The following CSMD1 variants were observed in gnomAD, a reference collection of about 807,000 sequenced individuals.
CSMD1 encodes CUB and Sushi multiple domains 1, also known as CUB and sushi domain-containing protein 1.
Under a neutral mutation model 417.5 loss-of-function variants are expected in CSMD1, and 213 were observed. That is an observed-to-expected ratio of 0.51 (90% confidence interval 0.46 to 0.57). The LOEUF is 0.57. Among genes scored for constraint, CSMD1 ranks in the 20% least tolerant of loss-of-function variants. The pLI is 0.00. For missense variants in CSMD1, 6,923 were observed against 4,529.7 expected (o/e 1.53, Z -15.17); for synonymous variants, 2,862 against 1,736.8 (o/e 1.65, Z -16.11).
At chr8:3,131,136 A>G (rs1004256313) in intron 41 of CSMD1, among the ~76,000 whole-genome samples, 2 of 152,190 alleles carry the variant, frequency 1.3e-5, no homozygotes, top group African/African-American at 2.4e-5. Flanking sequence ...GAAACCAGCC[A>G]TTTTAAAATA....
rs7841527 is a variant in CSMD1 at position 4,862,059 on chromosome 8, G to C, written c.85+132273C>G. ...TTGCGTTTTAATACAGGATGCTCAGGGAAATGCTACTGGGAATGGCGTCTT... is the reference window on the plus strand; with the variant it reads ...TTGCGTTTTAATACAGGATGCTCAGCGAAATGCTACTGGGAATGGCGTCTT... On this transcript the variant is annotated intron_variant, in intron 1 of 69. Transcript: ENST00000635120. 4.6e-5 allele frequency among the ~76,000 whole-genome samples: 7 copies of C among 151,914 alleles called. No individual in the cohort carries two copies. The South Asian group carries it at 1.4e-3, about 31-fold the overall frequency.
intron 2 of CSMD1, among the ~76,000 whole-genome samples, chr8:4,482,178 G>C (rs1290440564): frequency 1.3e-5 from 2 of 152,122 alleles, no homozygotes; most frequent in South Asian, 2.1e-4. Context: ...TTGCTGTATA[G>C]ATTATTTCAC....
Position 3,983,135 on chromosome 8 carries a change from CTTT to C in CSMD1, c.818+14765_818+14767del, listed in dbSNP as rs201667296. ...TATGCATCCTCCCACATCTTTCTTT[CTTT>C]TTTTTTTTTTGAGACGGACTCTCGC... On this transcript the variant is annotated intron_variant, in intron 5 of 69. Coordinates refer to ENST00000635120, the MANE Select transcript of CSMD1 (RefSeq NM_033225.6). Among the ~76,000 whole-genome samples the C allele has an allele frequency of 1.9e-4, 26 of 133,520 alleles. 1 individual carries two copies. In the South Asian group the frequency reaches 6.0e-3, roughly 31 times the overall value. 87.6% of individuals were successfully genotyped at this position (133,520 alleles called of 152,430 possible).
intron 1 of CSMD1, among the ~76,000 whole-genome samples, chr8:4,924,164 C>T (rs1806694522): frequency 6.6e-6 from 1 of 152,276 alleles, no homozygotes; most frequent in Non-Finnish European, 1.5e-5. Context: ...ATGTTGAATA[C>T]AGATTTGACA....
chr8:4,653,059 G>C (rs1043822528), intron 1 of CSMD1, among the ~76,000 whole-genome samples: 1 of 152,012 alleles, frequency 6.6e-6, no homozygotes, highest in Non-Finnish European at 1.5e-5. Flanking sequence ...TCCAGGGCTT[G>C]GGGACCCCGC....
rs190571194 is a variant in CSMD1, at chr8:4,101,537, A to T, written c.416-69438T>A. 2.6e-5 allele frequency among the ~76,000 whole-genome samples: 4 copies of T among 152,298 alleles called. No individual in the cohort carries two copies. The South Asian group carries it at 8.3e-4, about 32-fold the overall frequency. On this transcript the variant is annotated intron_variant, in intron 3 of 69. Coordinates refer to ENST00000635120, the MANE Select transcript of CSMD1 (RefSeq NM_033225.6). ...AATATGCCGACCAGGAAACATACCT[A>T]AAAAATTATGGATGTGTAGGAAGTT...
At chr8:4,018,404 A>G (rs994206680) in intron 4 of CSMD1, among the ~76,000 whole-genome samples, 1 of 152,142 alleles carries the variant, frequency 6.6e-6, no homozygotes, top group African/African-American at 2.4e-5. Flanking sequence ...TCCTGCCTCG[A>G]TTCCTGTTCT....
chr8:3,928,145 T>C (rs1236397535), intron 5 of CSMD1, among the ~76,000 whole-genome samples: 2 of 152,178 alleles, frequency 1.3e-5, no homozygotes, highest in African/African-American at 4.8e-5. Context: ...TAATTGCCTG[T>C]TGGACATTTA....
At chr8:3,945,011 G>T (rs1455047107) in intron 5 of CSMD1, among the ~76,000 whole-genome samples, 1 of 152,138 alleles carries the variant, frequency 6.6e-6, no homozygotes, top group Non-Finnish European at 1.5e-5. Context: ...CAAGTCAAAT[G>T]TGAAATGTCA....
chr8:3,304,973 C>G (rs1804712063), intron 25 of CSMD1, among the ~76,000 whole-genome samples: 1 of 152,022 alleles, frequency 6.6e-6, no homozygotes, highest in African/African-American at 2.4e-5. Flanking sequence ...AAAATCAAAG[C>G]CATTGGAAGT....
chr8:4,186,978 T>C (rs756342719), intron 3 of CSMD1, among the ~76,000 whole-genome samples: 128 of 152,156 alleles, frequency 8.4e-4, no homozygotes, highest in Non-Finnish European at 1.4e-3. Context: ...CAAGATTCTG[T>C]CTCAAAAAAA....
chr8:3,771,888 T>C (rs1481814420), intron 5 of CSMD1, among the ~76,000 whole-genome samples: 1 of 152,046 alleles, frequency 6.6e-6, no homozygotes, highest in Admixed American at 6.6e-5. Context: ...ACAGTCCTGA[T>C]CTGACCCAGA....
intron 5 of CSMD1, among the ~76,000 whole-genome samples, chr8:3,925,696 A>G (rs1300939122): frequency 2.0e-5 from 3 of 151,854 alleles, no homozygotes; most frequent in African/African-American, 4.8e-5. Context: ...TGCCACCACC[A>G]CGTAAGAAGT....
chr8:4,233,537 T>C (rs1350310348), intron 3 of CSMD1, among the ~76,000 whole-genome samples: 1 of 152,128 alleles, frequency 6.6e-6, no homozygotes, highest in Non-Finnish European at 1.5e-5. Flanking sequence ...CAGAGAGCTC[T>C]CTCACACCTT....
intron 2 of CSMD1, among the ~76,000 whole-genome samples, chr8:4,609,548 CA>C: frequency 6.6e-6 from 1 of 152,270 alleles, no homozygotes; most frequent in South Asian, 2.1e-4. Context: ...TTGTACTAAA[CA>C]CTTTATGTAC....
chr8:4,494,239 A>T (rs1473884787), intron 2 of CSMD1, among the ~76,000 whole-genome samples: 3 of 152,218 alleles, frequency 2.0e-5, no homozygotes, highest in African/African-American at 7.2e-5. Context: ...TTCCATGTAA[A>T]CTGAACAAAC....
At chr8:3,119,163 G>A (rs1388093695) in intron 41 of CSMD1, among the ~76,000 whole-genome samples, 1 of 151,890 alleles carries the variant, frequency 6.6e-6, no homozygotes, top group Non-Finnish European at 1.5e-5. Flanking sequence ...CCGGGCGACA[G>A]AGCAAGACTC....
At chr8:3,417,850 G>C (rs1813255069) in intron 12 of CSMD1, among the ~76,000 whole-genome samples, 1 of 152,154 alleles carries the variant, frequency 6.6e-6, no homozygotes, top group Admixed American at 6.5e-5. Context: ...GACAGTGTGA[G>C]AACATGTCCA....
chr8:4,856,823 T>C (rs1225541635), intron 1 of CSMD1, among the ~76,000 whole-genome samples: 4 of 151,518 alleles, frequency 2.6e-5, no homozygotes, highest in African/African-American at 4.9e-5. Context: ...AATGGGAGAC[T>C]TTAACACCCC....
Sources: allele counts gnomAD v4.1 joint callset (sites outside exome capture counted in the v4.1 genomes callset), GRCh38; gene constraint gnomAD v4.1.1; transcripts MANE v1.5; gene names NCBI Gene and HGNC (gene_info 2026-07-23, HGNC 2026-07-21).